LCLAT1: variants seen among roughly 807,000 people sequenced by gnomAD.
LCLAT1 encodes lysocardiolipin acyltransferase 1.
A neutral mutation model predicts 30.7 loss-of-function variants in LCLAT1; 11 were observed. The observed-to-expected ratio is 0.36, with a 90% confidence interval of 0.23 to 0.59. The LOEUF is 0.59. Among genes scored for constraint, LCLAT1 ranks in the 20% least tolerant of loss-of-function variants. The pLI is 0.77. For missense variants in LCLAT1, 402 were observed against 458.6 expected, an observed-to-expected ratio of 0.88 and a Z score of 1.13; for synonymous variants, 155 against 151.3, an observed-to-expected ratio of 1.02 and a Z score of -0.18.
chr2:30,449,404 G>T (rs1247706254), intron 1 of LCLAT1, among the ~76,000 whole-genome samples: 2 of 151,970 alleles, frequency 1.3e-5, no homozygotes, highest in Non-Finnish European at 2.9e-5. Context: ...GATTTGTGTG[G>T]TAACAATTAC....
chr2:30,494,562 G>GCA (rs1447673798), intron 1 of LCLAT1, among the ~76,000 whole-genome samples: 6 of 47,710 alleles, frequency 1.3e-4, no homozygotes, highest in Admixed American at 9.6e-4. Context: ...ACGCATACGT[G>GCA]CATACACACA....
chr2:30,509,694 T>C lies in LCLAT1; in HGVS notation c.-4-15893T>C, dbSNP rs570705799. 2.6e-5 allele frequency among the ~76,000 whole-genome samples: 4 copies of C among 152,074 alleles called. No individual in the cohort carries two copies. In the South Asian group the frequency reaches 8.3e-4, roughly 32 times the overall value. Reference sequence around the variant, plus strand: ...GATTCTCCTGCCTCAGCTTCCCAAGTAGCTGGGACTACAGATGCATGCCAC... The same window carrying C: ...GATTCTCCTGCCTCAGCTTCCCAAGCAGCTGGGACTACAGATGCATGCCAC... On this transcript the variant is annotated intron_variant, in intron 1 of 5. Coordinates refer to ENST00000379509, the MANE Select transcript of LCLAT1 (RefSeq NM_001002257.3).
At position 30,643,947 on chromosome 2, in the gene LCLAT1, C is replaced by G. The variant is rs1264308597; in HGVS notation, c.*3328C>G. ...TGCTGAGGTAGTGGTTGCCTTAGAG[C>G]TGTTATTTATGCTGTAGAAAACGAA... On this transcript the variant is annotated 3_prime_UTR_variant, in exon 6 of 6. Transcript: ENST00000379509. 1.3e-5 allele frequency: 2 copies of G among 152,580 alleles called. No individual in the cohort carries two copies. Among genetic ancestry groups the G allele is most frequent in the Non-Finnish European group, 2.9e-5 (2 of 68,038 alleles). 9.5% of individuals were successfully genotyped at this position (152,580 alleles called of 1,614,324 possible).
chr2:30,562,242 T>C lies in LCLAT1; in HGVS notation c.461T>C (p.Ile154Thr). Residue 154 changes from isoleucine (I) to threonine (T), a missense_variant, in exon 4 of 6, where the codon ATT becomes ACT. By Grantham distance (89) the Ile-to-Thr change is moderately conservative (BLOSUM62 -1). Transcript: ENST00000379509. ...FEDMIDYFCD[I>T]HEPLQLLIFP... ...GACATGATTGATTACTTTTGTGATA[T>C]TCACGAACCACTTCAACTCCTCATA... The C allele has an allele frequency of 6.2e-7, 1 of 1,612,906 alleles. No homozygotes were observed. Among genetic ancestry groups the C allele is most frequent in the Non-Finnish European group, 8.5e-7 (1 of 1,179,122 alleles).
intron 1 of LCLAT1, among the ~76,000 whole-genome samples, chr2:30,495,078 G>C (rs374732166): frequency 1.2e-4 from 17 of 143,906 alleles, no homozygotes; most frequent in African/African-American, 3.8e-4. Flanking sequence ...TTTTGCTTTT[G>C]ACATTTTAAT....
rs139065236 is a variant in LCLAT1 at position 30,622,752 on chromosome 2, G to C, written c.629-17365G>C. Among the ~76,000 whole-genome samples the C allele has an allele frequency of 7.0e-3, 1,064 of 152,228 alleles. 12 individuals carry two copies. The highest frequency in any genetic ancestry group is 0.025 in the African/African-American group (1,023 of 41,520). On this transcript the variant is annotated intron_variant, in intron 5 of 5. Transcript: ENST00000379509. ...CAGGAAGCCTCATCTCTAGGGGAAG[G>C]GGGAGAGCACCACATCAAGGGAGCA... is the stretch of plus-strand genomic sequence containing the variant.
chr2:30,626,086 A>G (rs531344075), intron 5 of LCLAT1, among the ~76,000 whole-genome samples: 4 of 152,230 alleles, frequency 2.6e-5, no homozygotes, highest in Non-Finnish European at 5.9e-5. Context: ...GAGGCACTCA[A>G]TAAATAGTAA....
chr2:30,531,219 C>G (rs894788), intron 2 of LCLAT1, among the ~76,000 whole-genome samples: 4 of 151,656 alleles, frequency 2.6e-5, no homozygotes, highest in Non-Finnish European at 5.9e-5. Context: ...GAGCCGAGAT[C>G]GCGCCACTAC....
intron 3 of LCLAT1, among the ~76,000 whole-genome samples, chr2:30,560,908 C>G (rs1665185974): frequency 6.6e-6 from 1 of 152,200 alleles, no homozygotes; most frequent in East Asian, 1.9e-4. Flanking sequence ...TCATAGTCAG[C>G]TTTGGGGGGC....
At chr2:30,494,550 A>C (rs569775249) in intron 1 of LCLAT1, among the ~76,000 whole-genome samples, 1 of 75,254 alleles carries the variant, frequency 1.3e-5, no homozygotes, top group Non-Finnish European at 2.9e-5. Flanking sequence ...ATGCATACAC[A>C]CACGCATACG....
chr2:30,600,668 C>G (rs1667139986), intron 5 of LCLAT1, among the ~76,000 whole-genome samples: 1 of 152,088 alleles, frequency 6.6e-6, no homozygotes, highest in South Asian at 2.1e-4. Flanking sequence ...GATGGCCTTC[C>G]CCTTAGTAGG....
chr2:30,565,295 A>C (rs1665427149), intron 4 of LCLAT1, among the ~76,000 whole-genome samples: 1 of 152,104 alleles, frequency 6.6e-6, no homozygotes, highest in Admixed American at 6.5e-5. Context: ...CTAGAGGCAG[A>C]ATTCTTTCTT....
intron 1 of LCLAT1, among the ~76,000 whole-genome samples, chr2:30,514,826 A>C (rs1048569098): frequency 6.6e-6 from 1 of 152,198 alleles, no homozygotes; most frequent in African/African-American, 2.4e-5. Context: ...TAACAAAATC[A>C]ATCTGTATAC....
intron 5 of LCLAT1, among the ~76,000 whole-genome samples, chr2:30,626,541 T>C (rs936362067): frequency 1.3e-5 from 2 of 152,216 alleles, no homozygotes; most frequent in Admixed American, 6.5e-5. Context: ...TAAATACTTA[T>C]GCTTTTTCCC....
intron 3 of LCLAT1, among the ~76,000 whole-genome samples, chr2:30,534,506 C>T (rs142926072): frequency 1.3e-5 from 2 of 152,274 alleles, no homozygotes; most frequent in African/African-American, 2.4e-5. Flanking sequence ...TCTTGATCTC[C>T]TGACCTCGTA....
At chr2:30,505,493 TAAAA>T in intron 1 of LCLAT1, among the ~76,000 whole-genome samples, 1 of 152,156 alleles carries the variant, frequency 6.6e-6, no homozygotes, top group Non-Finnish European at 1.5e-5. Context: ...AGATGATTTA[TAAAA>T]TATTCAGGTT....
At chr2:30,489,619 T>C in intron 1 of LCLAT1, among the ~76,000 whole-genome samples, 1 of 152,230 alleles carries the variant, frequency 6.6e-6, no homozygotes, top group Non-Finnish European at 1.5e-5. Flanking sequence ...CCCAAAGTGC[T>C]GGGATTACAG....
intron 2 of LCLAT1, 44 bp downstream of exon 2, chr2:30,525,799 C>T: frequency 6.4e-7 from 1 of 1,552,214 alleles, no homozygotes; most frequent in Non-Finnish European, 8.9e-7. Flanking sequence ...TACTAGAGTG[C>T]TCCCCACCCC....
intron 5 of LCLAT1, among the ~76,000 whole-genome samples, chr2:30,632,036 T>C (rs1244500720): frequency 6.6e-6 from 1 of 152,180 alleles, no homozygotes; most frequent in Non-Finnish European, 1.5e-5. Context: ...TTGGGAGAGA[T>C]AAACAGCACT....
Sources: allele counts gnomAD v4.1 joint callset (sites outside exome capture counted in the v4.1 genomes callset), GRCh38; gene constraint gnomAD v4.1.1; transcripts MANE v1.5; gene names NCBI Gene and HGNC (gene_info 2026-07-23, HGNC 2026-07-21).